Variants in EEF1G observed in about 807,000 individuals in gnomAD.
EEF1G encodes the protein elongation factor 1-gamma.
A neutral mutation model predicts 58.3 loss-of-function variants in EEF1G; 14 were observed. The observed-to-expected ratio is 0.24, with a 90% CI of 0.16 to 0.38. The LOEUF (loss-of-function observed/expected upper bound fraction) is 0.38. Among genes scored for constraint, EEF1G ranks in the 10% least tolerant of loss-of-function variants. EEF1G has a pLI of 1.00. For synonymous variants in EEF1G, 180 were observed against 206.8 expected, an observed-to-expected ratio of 0.87 and a Z score of 1.11; for missense variants, 322 against 550.1, an observed-to-expected ratio of 0.59 and a Z score of 4.15.
chr11:62,560,556 A>T, intron 7 of EEF1G, 102 bp from the exon 8 acceptor site: 2 of 1,337,860 alleles, frequency 1.5e-6, no homozygotes, highest in Non-Finnish European at 2.1e-6. Flanking sequence ...TATAAAGGAA[A>T]TGGTCATTGT....
Position 62,571,126 on chromosome 11 carries a change from TA to T in EEF1G, c.379-19del, listed in dbSNP as rs756381107. On this transcript the variant is annotated intron_variant, in intron 4 of 9. Coordinates refer to ENST00000329251, the MANE Select transcript of EEF1G (RefSeq NM_001404.5). ...TCAGTGGCCTAGTGATTCAACATGATAAAACTCATCAGTGGGTACCAATCCC... is the reference window on the plus strand; with the variant it reads ...TCAGTGGCCTAGTGATTCAACATGATAAACTCATCAGTGGGTACCAATCCC... The T allele has an allele frequency of 6.1e-5, 99 of 1,613,696 alleles. No individual in the cohort carries two copies. The highest frequency in any genetic ancestry group is 8.1e-5 in the Non-Finnish European group (96 of 1,179,882).
rs748691710 is a variant in EEF1G, at chr11:62,572,589, C to A, written c.166G>T (p.Gly56Cys). ...TPEFLRKFPA[G>C]KVPAFEGDDG... ...CTCCCCATCTCCCAACTCACCTTGC[C>A]GGCAGGAAATTTGCGGAGAAATTCA... Residue 56 changes from glycine to cysteine, a missense_variant, in exon 2 of 10, where the codon GGC becomes TGC. Physicochemically the swap from Gly to Cys is radical, Grantham distance 159. Coordinates refer to ENST00000329251, the MANE Select transcript of EEF1G (RefSeq NM_001404.5). 1.2e-6 allele frequency: 2 copies of A among 1,611,982 alleles called. No individual in the cohort carries two copies. Among genetic ancestry groups the A allele is most frequent in the Non-Finnish European group, 1.7e-6 (2 of 1,179,820 alleles).
chr11:62,559,986 A>T lies in EEF1G; in HGVS notation c.1155+83T>A, dbSNP rs183410887. The T allele has an allele frequency of 2.6e-5, 41 of 1,607,494 alleles. No individual in the cohort carries two copies. The African/African-American group carries it at 5.5e-4, about 22-fold the overall frequency. ...TAAGCATTCCTGAACCCTCCTAAACATCCATCAACTCAGAAATAAAACACA... is the reference window on the plus strand; with the variant it reads ...TAAGCATTCCTGAACCCTCCTAAACTTCCATCAACTCAGAAATAAAACACA... On this transcript the variant is annotated intron_variant, in intron 9 of 9. Coordinates refer to ENST00000329251, the MANE Select transcript of EEF1G (RefSeq NM_001404.5).
At chr11:62,572,933 C>T in intron 1 of EEF1G, 191 bp from the exon 2 acceptor site, 1 of 477,560 alleles carries the variant, frequency 2.1e-6, no homozygotes. Flanking sequence ...CAGAACTACA[C>T]ACCAACTGCT....
intron 5 of EEF1G, among the ~76,000 whole-genome samples, chr11:62,569,110 AC>A (rs1941594141): frequency 6.6e-6 from 1 of 151,356 alleles, no homozygotes; most frequent in South Asian, 2.1e-4. Flanking sequence ...CACCCCCCAC[AC>A]CCACCCATCC....
rs576207234 is a variant in EEF1G at position 62,567,262 on chromosome 11, A to G, written c.652+137T>C. On this transcript the variant is annotated intron_variant, in intron 6 of 9. Transcript: ENST00000329251. ...TATGAGTGTACACGAAACTGCACAT[A>G]ATATTAGCTACCACATTGACACCCT... 4.9e-6 allele frequency: 6 copies of G among 1,212,684 alleles called. No individual in the cohort carries two copies. The African/African-American group carries it at 6.1e-5, about 12-fold the overall frequency. The allele number at this position is 1,212,684 out of a possible 1,614,324, so 75.1% of individuals were successfully genotyped here. A position where few individuals can be genotyped will look rare whatever the true frequency, so the allele number is the denominator to read the frequency against.
rs1941631742 is a variant in EEF1G, at chr11:62,571,603, A to G, written c.315T>C (p.Asp105=). The G allele has an allele frequency of 6.3e-6, 10 of 1,590,294 alleles. No individual in the cohort carries two copies. Among genetic ancestry groups the G allele is most frequent in the Non-Finnish European group, 8.6e-6 (10 of 1,168,214 alleles). ...VVQWVSFADS[D]IVPPASTWVF... Reference sequence around the variant, plus strand: ...CCCAGGTACTGGCTGGGGGCACTATATCGGAATCAGCAAAGCTCACCCACT... The same window carrying G: ...CCCAGGTACTGGCTGGGGGCACTATGTCGGAATCAGCAAAGCTCACCCACT... Residue 105 remains aspartate (D), a synonymous_variant, in exon 4 of 10, where the codon GAT becomes GAC. Coordinates refer to ENST00000329251, the MANE Select transcript of EEF1G (RefSeq NM_001404.5).
At position 62,566,822 on chromosome 11, in the gene EEF1G, C is replaced by A. The variant is rs923344557; in HGVS notation, c.841G>T (p.Ala281Ser). ...AAEPKAKDPF[A>S]HLPKSTFVLD... ...TATCCTTACCTCTTGGGCAGGTGAGCGAAGGGGTCCTTGGCCTTGGGCTCA... is the reference window on the plus strand; with the variant it reads ...TATCCTTACCTCTTGGGCAGGTGAGAGAAGGGGTCCTTGGCCTTGGGCTCA... The change falls in exon 7 of 10, where the codon GCT (alanine) becomes TCT (serine). Residue 281 changes from alanine (A) to serine (S), a missense_variant. Physicochemically the swap from Ala to Ser is moderately conservative, Grantham distance 99. This residue lies in a region of EEF1G where 208 missense variants were observed against 323.7 expected (regional missense o/e 0.64). Coordinates refer to ENST00000329251, the MANE Select transcript of EEF1G (RefSeq NM_001404.5). 2.5e-6 allele frequency: 4 copies of A among 1,613,486 alleles called. No individual in the cohort carries two copies. Among genetic ancestry groups the A allele is most frequent in the Non-Finnish European group, 3.4e-6 (4 of 1,179,712 alleles).
At chr11:62,569,799 CAGTA>C (rs1274229688) in intron 5 of EEF1G, among the ~76,000 whole-genome samples, 3 of 151,790 alleles carry the variant, frequency 2.0e-5, no homozygotes, top group African/African-American at 4.9e-5. Context: ...GTCTGGCATG[CAGTA>C]AGTGTTTTTT....
At position 62,561,679 on chromosome 11, in the gene EEF1G, A is replaced by C. The variant is rs1196821774; in HGVS notation, c.858-1225T>G. Among the ~76,000 whole-genome samples, 12 of 26,210 alleles carry C rather than the reference A, an allele frequency of 4.6e-4. 1 individual carries two copies. Among genetic ancestry groups the C allele is most frequent in the East Asian group, 3.2e-3 (2 of 628 alleles). 17.2% of individuals were successfully genotyped at this position (26,210 alleles called of 152,430 possible). A position where few individuals can be genotyped will look rare whatever the true frequency, so the allele number is the denominator to read the frequency against. On this transcript the variant is annotated intron_variant, in intron 7 of 9. Transcript: ENST00000329251. ...CCGTCTCAAAAAAAAAACAAAAAAA[A>C]AACAAAAAAAAAAAAAACAACCAAA...
intron 5 of EEF1G, among the ~76,000 whole-genome samples, chr11:62,568,243 C>T (rs1185538223): frequency 1.3e-5 from 2 of 149,488 alleles, no homozygotes; most frequent in African/African-American, 2.5e-5. Flanking sequence ...AAAAAATTAG[C>T]TGGGCGTGGT....
In EEF1G at chr11:62,568,960, C is replaced by T. The variant is rs190792500; in HGVS notation, c.523-1432G>A. On this transcript the variant is annotated intron_variant, in intron 5 of 9. Transcript: ENST00000329251. ...CGCACTCCAGCCTGGGGGACAAGAG[C>T]GAGACTTCGTCTCAAAAAAAAAAAA... Among the ~76,000 whole-genome samples the T allele has an allele frequency of 4.3e-3, 627 of 146,626 alleles. 3 individuals carry two copies. Among genetic ancestry groups the T allele is most frequent in the African/African-American group, 0.014 (567 of 40,120 alleles).
rs183908526 is a variant in EEF1G at position 62,571,180 on chromosome 11, C to G, written c.379-72G>C. The G allele has an allele frequency of 8.8e-4, 1,414 of 1,603,110 alleles. 9 individuals carry two copies. The highest frequency in any genetic ancestry group is 4.0e-3 in the Middle Eastern group (24 of 6,052). Reference sequence around the variant, plus strand: ...TCCCTCACCTCCCCCATTAATAGAACTAAGAGGGCTATTTTCACCTAGAAG... The same window carrying G: ...TCCCTCACCTCCCCCATTAATAGAAGTAAGAGGGCTATTTTCACCTAGAAG... On this transcript the variant is annotated intron_variant, in intron 4 of 9. Transcript: ENST00000329251.
Position 62,566,786 on chromosome 11 carries a change from C to G in EEF1G, c.857+20G>C. ...CAGGCCTTCTTTGGTCCCACACCCT[C>G]CACCCTCCAATATCCTTACCTCTTG... On this transcript the variant is annotated intron_variant, in intron 7 of 9. Transcript: ENST00000329251. The G allele has an allele frequency of 6.2e-7, 1 of 1,612,450 alleles. No homozygotes were observed. Among genetic ancestry groups the G allele is most frequent in the Non-Finnish European group, 8.5e-7 (1 of 1,178,696 alleles).
rs1380300359 is a variant in EEF1G, at chr11:62,560,123, A to G, written c.1101T>C (p.Asn367=). Residue 367 remains asparagine, a synonymous_variant, in exon 9 of 10, where the codon AAT becomes AAC. Transcript: ENST00000329251. The part of the protein sequence containing the change: ...FASVILFGTN[N]SSSISGVWVF... Reference sequence around the variant, plus strand: ...CCCAGACTCCAGAAATGGAGCTGCTATTGTTGGTTCCAAAAAGGATGACAC... The same window carrying G: ...CCCAGACTCCAGAAATGGAGCTGCTGTTGTTGGTTCCAAAAAGGATGACAC... 6.2e-7 allele frequency: 1 copy of G among 1,614,018 alleles called. No homozygotes were observed. Among genetic ancestry groups the G allele is most frequent in the Non-Finnish European group, 8.5e-7 (1 of 1,179,886 alleles).
rs1016698264 is a variant in EEF1G at position 62,573,687 on chromosome 11, C to A, written c.12+144G>T. The A allele has an allele frequency of 3.3e-6, 4 of 1,203,458 alleles. No individual in the cohort carries two copies. In the African/African-American group the frequency reaches 6.0e-5, roughly 18 times the overall value. 74.5% of individuals were successfully genotyped at this position (1,203,458 alleles called of 1,614,324 possible). A position where few individuals can be genotyped will look rare whatever the true frequency, so the allele number is the denominator to read the frequency against. On this transcript the variant is annotated intron_variant, in intron 1 of 9. Transcript: ENST00000329251. The stretch of plus-strand genomic sequence containing the variant: ...TCAGTTCCCCTCCAGGCCCTAGGAA[C>A]CCTACTCTCCAGCAGTACAGTCTGT...
intron 2 of EEF1G, 25 bp downstream of exon 2, chr11:62,572,559 G>C: frequency 6.2e-7 from 1 of 1,611,544 alleles, no homozygotes; most frequent in East Asian, 2.2e-5. Context: ...CAGAACCGAA[G>C]GATGCTCCCC....
intron 7 of EEF1G, among the ~76,000 whole-genome samples, chr11:62,561,660 CA>C (rs1317649720): frequency 2.5e-4 from 11 of 43,340 alleles, no homozygotes; most frequent in East Asian, 5.3e-4. Flanking sequence ...GACTCCGTCT[CA>C]AAAAAAAAAC....
chr11:62,563,171 G>T (rs1352746305), intron 7 of EEF1G, among the ~76,000 whole-genome samples: 3 of 151,858 alleles, frequency 2.0e-5, no homozygotes, highest in African/African-American at 7.3e-5. Flanking sequence ...CTGTTGCCCA[G>T]GCTGCAGTGC....
Sources: allele counts gnomAD v4.1 joint callset (sites outside exome capture counted in the v4.1 genomes callset), GRCh38; gene constraint gnomAD v4.1.1; regional missense constraint gnomAD v4.1.1; transcripts MANE v1.5; gene names NCBI Gene and HGNC (gene_info 2026-07-23, HGNC 2026-07-21).